The following ZNF423 variants were observed in gnomAD, a reference collection of about 807,000 sequenced individuals.
ZNF423 encodes zinc finger protein 423, also known as Ebf-associated zinc finger protein.
In ZNF423, 12 loss-of-function variants were observed where a neutral mutation model predicts 95.8. That is an observed-to-expected ratio of 0.13 (90% CI 0.08 to 0.20). The LOEUF (loss-of-function observed/expected upper bound fraction) is 0.20. ZNF423 is among the 10% of genes least tolerant of loss of function. ZNF423 has a pLI of 1.00. For synonymous variants in ZNF423, 749 were observed against 711.9 expected (o/e 1.05, Z -0.83); for missense variants, 1,316 against 1,737.1 (o/e 0.76, Z 4.31).
intron 3 of ZNF423, among the ~76,000 whole-genome samples, chr16:49,678,538 GGAATC>G (rs2031219641): frequency 6.6e-6 from 1 of 152,174 alleles, no homozygotes; most frequent in Admixed American, 6.5e-5. Flanking sequence ...TCAGGGAACT[GGAATC>G]GAATAAAAAA....
Position 49,637,862 on chromosome 16 carries a change from C to T in ZNF423, c.1314G>A (p.Lys438=), listed in dbSNP as rs1283644711. Residue 438 remains lysine, a synonymous_variant, in exon 4 of 8, where the codon AAG becomes AAA. Transcript: ENST00000563137. The surrounding 1 kb of genome is among the most constrained non-coding windows in gnomAD (Gnocchi z 5.6). ...NSLAVLEIHL[K]TIHADKPQQS... ...GCTGGGGCTTGTCCGCGTGGATGGTCTTCAGGTGGATCTCCAGCACGGCCA... is the reference window on the plus strand; with the variant it reads ...GCTGGGGCTTGTCCGCGTGGATGGTTTTCAGGTGGATCTCCAGCACGGCCA... 1 of 1,614,070 alleles carries T rather than the reference C, an allele frequency of 6.2e-7. No individual in the cohort carries two copies. The highest frequency in any genetic ancestry group is 1.3e-5 in the African/African-American group (1 of 74,912).
At chr16:49,574,080 G>T (rs1318443765) in intron 5 of ZNF423, among the ~76,000 whole-genome samples, 1 of 152,190 alleles carries the variant, frequency 6.6e-6, no homozygotes, top group Non-Finnish European at 1.5e-5. Context: ...CAGCTGGAGA[G>T]TCTTTTAAAA....
At chr16:49,524,500 C>T (rs1368384499) in intron 6 of ZNF423, among the ~76,000 whole-genome samples, 1 of 152,078 alleles carries the variant, frequency 6.6e-6, no homozygotes, top group African/African-American at 2.4e-5. Context: ...TGCTCAGGGG[C>T]TCTGGGGAGC....
chr16:49,638,688 C>G lies in ZNF423; in HGVS notation c.488G>C (p.Arg163Thr). ...KSFIRLSYLKRHEQIHSDKLP... is the reference protein window; with the variant it reads ...KSFIRLSYLKTHEQIHSDKLP... ...CTTGTCGCTGTGGATCTGCTCGTGC[C>G]TCTTCAAGTAGCTCAAGCGGATGAA... is the stretch of plus-strand genomic sequence containing the variant. Residue 163 changes from arginine to threonine, a missense_variant, in exon 4 of 8, where the codon AGG (arginine) becomes ACG (threonine). Arg to Thr is a moderately conservative substitution (Grantham distance 71). Transcript: ENST00000563137. This position sits in a 1 kb window ranked among gnomAD's most constrained non-coding sequence, Gnocchi z 5.6. 6.2e-7 allele frequency: 1 copy of G among 1,614,182 alleles called. No homozygotes were observed. The highest frequency in any genetic ancestry group is 8.5e-7 in the Non-Finnish European group (1 of 1,180,042).
rs922936127 is a variant in ZNF423, at chr16:49,492,557, G to T, written c.3850-1253C>A. ...GCCCCGCGCAGTCCCTTCCCGTGAC[G>T]GGCACTGCGAAGGCTGCGGCCCCCG... On this transcript the variant is annotated intron_variant, in intron 7 of 7. Transcript: ENST00000563137. The surrounding 1 kb of genome is among the most constrained non-coding windows in gnomAD (Gnocchi z 4.2). 2.0e-5 allele frequency among the ~76,000 whole-genome samples: 3 copies of T among 152,280 alleles called. No individual in the cohort carries two copies. The highest frequency in any genetic ancestry group is 4.1e-4 in the South Asian group (2 of 4,824).
At chr16:49,550,187 A>G (rs1969584046) in intron 5 of ZNF423, among the ~76,000 whole-genome samples, 4 of 152,294 alleles carry the variant, frequency 2.6e-5, no homozygotes, top group South Asian at 4.2e-4. Context: ...TTAAACTGCA[A>G]CCCACAGAAA....
At chr16:49,572,293 C>A (rs1970376839) in intron 5 of ZNF423, among the ~76,000 whole-genome samples, 1 of 152,062 alleles carries the variant, frequency 6.6e-6, no homozygotes, top group Non-Finnish European at 1.5e-5. Flanking sequence ...AGGACAGACC[C>A]CATGAGTAAA....
chr16:49,735,672 C>T lies in ZNF423; in HGVS notation c.101-4701G>A, dbSNP rs187503994. On this transcript the variant is annotated intron_variant, in intron 2 of 7. Coordinates refer to ENST00000563137, the MANE Select transcript of ZNF423 (RefSeq NM_001379286.1). Reference sequence around the variant, plus strand: ...CCCTGCATCTCCTGGGACACTCCCCCTTCAAGCCCAGCAGCCATAATATAT... The same window carrying T: ...CCCTGCATCTCCTGGGACACTCCCCTTTCAAGCCCAGCAGCCATAATATAT... Among the ~76,000 whole-genome samples the T allele has an allele frequency of 2.0e-5, 3 of 152,278 alleles. No individual in the cohort carries two copies. The East Asian group carries it at 5.8e-4, about 30-fold the overall frequency.
chr16:49,777,240 C>T (rs1204452900), intron 2 of ZNF423, among the ~76,000 whole-genome samples: 1 of 152,202 alleles, frequency 6.6e-6, no homozygotes, highest in Non-Finnish European at 1.5e-5. Context: ...GTGGAGTATG[C>T]ATATGCCAAT....
chr16:49,722,442 G>T (rs921932693), intron 3 of ZNF423, among the ~76,000 whole-genome samples: 4 of 152,210 alleles, frequency 2.6e-5, no homozygotes, highest in African/African-American at 7.2e-5. Context: ...CTTTTGTGAA[G>T]TGAACACCTT....
intron 5 of ZNF423, among the ~76,000 whole-genome samples, chr16:49,570,275 G>C (rs533160843): frequency 1.3e-5 from 2 of 152,272 alleles, no homozygotes; most frequent in African/African-American, 4.8e-5. Flanking sequence ...TAACAGGCAG[G>C]CTCTTTCTTT....
At chr16:49,652,296 T>C (rs750531947) in intron 3 of ZNF423, among the ~76,000 whole-genome samples, 13 of 151,902 alleles carry the variant, frequency 8.6e-5, no homozygotes, top group Non-Finnish European at 1.6e-4. Flanking sequence ...AGCACTGATA[T>C]TGAAAATGCA....
chr16:49,545,899 C>T (rs1339038968), intron 5 of ZNF423, among the ~76,000 whole-genome samples: 1 of 152,224 alleles, frequency 6.6e-6, no homozygotes, highest in Non-Finnish European at 1.5e-5. Context: ...ATCTTGTCCT[C>T]ACTTTACAGT....
At chr16:49,600,952 A>G (rs1340802669) in intron 5 of ZNF423, among the ~76,000 whole-genome samples, 1 of 152,216 alleles carries the variant, frequency 6.6e-6, no homozygotes, top group African/African-American at 2.4e-5. Flanking sequence ...GGGTGGATGC[A>G]TCATCGGAGA....
intron 7 of ZNF423, among the ~76,000 whole-genome samples, chr16:49,497,854 G>T (rs1182825713): frequency 6.6e-6 from 1 of 152,226 alleles, no homozygotes; most frequent in Non-Finnish European, 1.5e-5. Context: ...CCCGTTATTT[G>T]TTCACTTAGC....
intron 3 of ZNF423, among the ~76,000 whole-genome samples, chr16:49,694,094 C>T (rs2031885657): frequency 6.6e-6 from 1 of 152,188 alleles, no homozygotes; most frequent in Non-Finnish European, 1.5e-5. Context: ...TAACGAGGTT[C>T]TCCCCATGCC....
Position 49,725,641 on chromosome 16 carries a change from G to A in ZNF423, c.301+5130C>T, listed in dbSNP as rs557039625. Among the ~76,000 whole-genome samples the A allele has an allele frequency of 1.2e-4, 18 of 152,312 alleles. No individual in the cohort carries two copies. In the South Asian group the frequency reaches 3.3e-3, roughly 28 times the overall value. ...GATGGGTGCTCTGGACTGTGTGGGC[G>A]TGGGGGCTGCAGAGGGCCAGCAGGG... On this transcript the variant is annotated intron_variant, in intron 3 of 7. Transcript: ENST00000563137.
At chr16:49,529,553 G>C (rs922291140) in intron 5 of ZNF423, among the ~76,000 whole-genome samples, 1 of 152,212 alleles carries the variant, frequency 6.6e-6, no homozygotes, top group Non-Finnish European at 1.5e-5. Context: ...CTTTGTGGAA[G>C]AGCATCGTGC....
At chr16:49,696,657 G>A (rs1243079599) in intron 3 of ZNF423, among the ~76,000 whole-genome samples, 9 of 88,084 alleles carry the variant, frequency 1.0e-4, no homozygotes, top group Admixed American at 8.9e-4. Context: ...ACCCCCACCC[G>A]GCTACCTCCC....
Sources: allele counts gnomAD v4.1 joint callset (sites outside exome capture counted in the v4.1 genomes callset), GRCh38; gene constraint gnomAD v4.1.1; non-coding constraint Gnocchi (gnomAD v3.1); transcripts MANE v1.5; gene names NCBI Gene and HGNC (gene_info 2026-07-23, HGNC 2026-07-21).